The following SRPX variants were observed in gnomAD, a reference collection of about 807,000 sequenced individuals.
The protein encoded by SRPX is sushi repeat containing protein X-linked.
In SRPX, 24 loss-of-function variants were observed where a neutral mutation model predicts 38.1. That is an observed-to-expected ratio of 0.63 (90% CI 0.46 to 0.89). The LOEUF is 0.89. SRPX is among the 40% of genes least tolerant of loss of function. SRPX has a pLI of 0.00. For synonymous variants in SRPX, 184 were observed against 153.8 expected (o/e 1.20, Z -1.45); for missense variants, 416 against 377.8 (o/e 1.10, Z -0.84).
intron 7 of SRPX, among the ~76,000 whole-genome samples, chrX:38,158,312 G>A (rs1938170555): frequency 8.9e-6 from 1 of 112,315 alleles, no homozygotes; most frequent in South Asian, 3.7e-4. Flanking sequence ...AATTCCAGCT[G>A]TTCAAGGTCA....
At chrX:38,149,978 CAG>C in intron 9 of SRPX, 84 bp from the exon 10 acceptor site, 9 of 855,907 alleles carry the variant, frequency 1.1e-5, no homozygotes, top group Non-Finnish European at 1.4e-5. Flanking sequence ...CTTACTGTGA[CAG>C]TGTGCAGAGA....
At chrX:38,211,835 C>A (rs1337846690) in intron 1 of SRPX, among the ~76,000 whole-genome samples, 1 of 111,854 alleles carries the variant, frequency 8.9e-6, no homozygotes, top group African/African-American at 3.3e-5. Context: ...ATCCCCAATT[C>A]ATGGAGCTTG....
intron 1 of SRPX, among the ~76,000 whole-genome samples, chrX:38,202,929 C>T (rs1037248774): frequency 3.6e-5 from 4 of 112,172 alleles, no homozygotes; most frequent in Admixed American, 1.9e-4. Flanking sequence ...TTTTACAAGG[C>T]TAGCATTACT....
intron 1 of SRPX, among the ~76,000 whole-genome samples, chrX:38,211,940 G>A (rs1265294275): frequency 5.4e-5 from 6 of 111,162 alleles, no homozygotes; most frequent in African/African-American, 2.0e-4. Flanking sequence ...GCTAACCCCA[G>A]TGTCATTGAT....
At position 38,220,774 on chromosome X, in the gene SRPX, G is replaced by GCAGC; in HGVS notation, c.18_19insGCTG (p.Arg7AlafsTer38). 8.9e-7 allele frequency: 1 copy of GCAGC among 1,127,654 alleles called. No homozygotes were observed. Among genetic ancestry groups the GCAGC allele is most frequent in the Non-Finnish European group, 1.2e-6 (1 of 860,373 alleles). The allele number at this position is 1,127,654 out of a possible 1,213,427, so 92.9% of individuals were successfully genotyped here. A position where few individuals can be genotyped will look rare whatever the true frequency, so the allele number is the denominator to read the frequency against. On this transcript the variant is annotated frameshift_variant, in exon 1 of 10. Coordinates refer to ENST00000378533, the MANE Select transcript of SRPX (RefSeq NM_006307.5). LOFTEE classifies it high-confidence loss of function. The stretch of plus-strand genomic sequence containing the variant: ...GGCAGCAGCAGCAGCAGCGCGGGCC[G>GCAGC]ATGTGCGGGGCTCCCCATGGCGAGC...
chrX:38,167,367 C>T (rs1029118400), intron 4 of SRPX, among the ~76,000 whole-genome samples: 1 of 111,328 alleles, frequency 9.0e-6, no homozygotes, highest in Non-Finnish European at 1.9e-5. Context: ...CCTTGAAGAG[C>T]CTCTGCAGGA....
intron 1 of SRPX, among the ~76,000 whole-genome samples, chrX:38,206,569 A>G (rs1169810399): frequency 8.9e-6 from 1 of 112,069 alleles, no homozygotes; most frequent in African/African-American, 3.2e-5. Flanking sequence ...ACCAGAAACC[A>G]AAATCCTGGG....
intron 1 of SRPX, among the ~76,000 whole-genome samples, chrX:38,178,917 C>G (rs1225472248): frequency 9.2e-6 from 1 of 108,824 alleles, no homozygotes; most frequent in Non-Finnish European, 1.9e-5. Flanking sequence ...TTTAGAACCT[C>G]TCATGAACGT....
At chrX:38,168,181 A>G (rs1252791855) in intron 4 of SRPX, among the ~76,000 whole-genome samples, 2 of 112,013 alleles carry the variant, frequency 1.8e-5, no homozygotes, top group African/African-American at 6.5e-5. Flanking sequence ...ACAGATAACA[A>G]TAAAATGCAA....
At chrX:38,182,021 T>A (rs780518018) in intron 1 of SRPX, among the ~76,000 whole-genome samples, 1 of 112,109 alleles carries the variant, frequency 8.9e-6, no homozygotes. Flanking sequence ...TTCTGTGCAA[T>A]TGAATTCACA....
At chrX:38,202,324 A>G (rs1939127723) in intron 1 of SRPX, among the ~76,000 whole-genome samples, 1 of 111,227 alleles carries the variant, frequency 9.0e-6, no homozygotes, top group South Asian at 3.8e-4. Flanking sequence ...TATGTTTAAC[A>G]TTTCAGTCAA....
At chrX:38,214,533 T>C (rs751357618) in intron 1 of SRPX, among the ~76,000 whole-genome samples, 38 of 111,703 alleles carry the variant, frequency 3.4e-4, no homozygotes, top group Non-Finnish European at 6.4e-4. Context: ...CTCACGTGGC[T>C]GGGGGCATCA....
At chrX:38,160,782 AG>A in intron 6 of SRPX, 150 bp downstream of exon 6, 1 of 640,980 alleles carries the variant, frequency 1.6e-6, no homozygotes, top group Non-Finnish European at 2.3e-6. Flanking sequence ...GCATTAAGAT[AG>A]GGCACTTCCC....
At chrX:38,182,261 T>C (rs1262572723) in intron 1 of SRPX, among the ~76,000 whole-genome samples, 3 of 112,391 alleles carry the variant, frequency 2.7e-5, no homozygotes, top group Admixed American at 9.4e-5. Context: ...AAATCTATCA[T>C]TCTTTTTTCA....
intron 4 of SRPX, among the ~76,000 whole-genome samples, chrX:38,169,468 TCTC>T (rs1215600129): frequency 1.9e-5 from 2 of 105,330 alleles, no homozygotes; most frequent in Admixed American, 2.1e-4. Context: ...TGTTAATAAA[TCTC>T]CACCTATTCT....
chrX:38,151,775 G>A (rs1423456618), intron 9 of SRPX, among the ~76,000 whole-genome samples: 1 of 111,304 alleles, frequency 9.0e-6, no homozygotes, highest in East Asian at 2.8e-4. Context: ...TTACATATGT[G>A]TCTGTCGTCA....
intron 1 of SRPX, among the ~76,000 whole-genome samples, chrX:38,202,503 A>G (rs1392337159): frequency 8.9e-6 from 1 of 111,958 alleles, no homozygotes; most frequent in Non-Finnish European, 1.9e-5. Flanking sequence ...CAAAGCATGC[A>G]GCAGGACATA....
intron 1 of SRPX, among the ~76,000 whole-genome samples, chrX:38,199,950 T>C (rs952155792): frequency 8.9e-6 from 1 of 112,477 alleles, no homozygotes; most frequent in Admixed American, 9.4e-5. Context: ...CTTTTGTTGA[T>C]GTTTTGAACA....
intron 4 of SRPX, among the ~76,000 whole-genome samples, chrX:38,165,773 T>C (rs747147585): frequency 8.9e-6 from 1 of 112,255 alleles, no homozygotes; most frequent in African/African-American, 3.2e-5. Flanking sequence ...CCCCTTGAAC[T>C]GCTACTGAAC....
Sources: gnomAD v4.1 joint callset for allele counts (sites outside exome capture counted in the v4.1 genomes callset) on GRCh38, gnomAD v4.1.1 for gene constraint, MANE v1.5 for transcripts, NCBI Gene and HGNC (gene_info 2026-07-23, HGNC 2026-07-21) for gene names.